Variants in MIPOL1 observed in about 807,000 individuals in gnomAD.
MIPOL1 encodes the protein mirror-image polydactyly gene 1 protein.
A neutral mutation model predicts 60.9 loss-of-function variants in MIPOL1; 57 were observed. The observed-to-expected ratio is 0.94, with a 90% CI of 0.76 to 1.17. The LOEUF (loss-of-function observed/expected upper bound fraction) is 1.17. Ranked by LOEUF, MIPOL1 falls within the 50% of genes most tolerant of loss-of-function variation. The probability of loss-of-function intolerance (pLI) is 0.00; values close to 1 mark genes in which losing one functional copy is unlikely to be tolerated. For missense variants in MIPOL1, 551 were observed against 511.6 expected, an observed-to-expected ratio of 1.08 and a Z score of -0.74; for synonymous variants, 179 against 168.8, an observed-to-expected ratio of 1.06 and a Z score of -0.47.
chr14:37,221,240 A>G (rs1303824670), intron 1 of MIPOL1, among the ~76,000 whole-genome samples: 1 of 152,208 alleles, frequency 6.6e-6, no homozygotes, highest in Non-Finnish European at 1.5e-5. Context: ...TGGAAAGTCC[A>G]AGAGCATAGT....
At chr14:37,214,278 A>T (rs938655503) in intron 1 of MIPOL1, among the ~76,000 whole-genome samples, 2 of 152,332 alleles carry the variant, frequency 1.3e-5, no homozygotes, top group Middle Eastern at 3.4e-3. Flanking sequence ...ACTTTTCAAG[A>T]CATAGTACCA....
chr14:37,210,641 T>C (rs1487299093), intron 1 of MIPOL1, among the ~76,000 whole-genome samples: 1 of 151,816 alleles, frequency 6.6e-6, no homozygotes, highest in Non-Finnish European at 1.5e-5. Flanking sequence ...GAAATAGGGA[T>C]ATGGAGAATG....
intron 6 of MIPOL1, among the ~76,000 whole-genome samples, chr14:37,280,945 A>G (rs79911460): frequency 0.03 from 4,635 of 152,250 alleles, 100 homozygotes; most frequent in Non-Finnish European, 0.047. Flanking sequence ...TCATTTGCAG[A>G]TATTTTCTCC....
chr14:37,334,747 A>G (rs1396439870), intron 9 of MIPOL1, among the ~76,000 whole-genome samples: 1 of 151,970 alleles, frequency 6.6e-6, no homozygotes, highest in Non-Finnish European at 1.5e-5. Context: ...ATTTTACATA[A>G]ATGTATTCAT....
intron 9 of MIPOL1, among the ~76,000 whole-genome samples, chr14:37,367,361 G>A (rs375492971): frequency 2.0e-5 from 3 of 151,998 alleles, no homozygotes; most frequent in South Asian, 4.1e-4. Flanking sequence ...AGTTAAATAT[G>A]CTACAAATAT....
chr14:37,491,053 A>C (rs2095040721), intron 11 of MIPOL1, among the ~76,000 whole-genome samples: 1 of 152,182 alleles, frequency 6.6e-6, no homozygotes, highest in African/African-American at 2.4e-5. Context: ...ATATGACAAA[A>C]TTCAAGATAA....
intron 12 of MIPOL1, among the ~76,000 whole-genome samples, chr14:37,512,732 C>T (rs1049675505): frequency 6.6e-6 from 1 of 151,816 alleles, no homozygotes; most frequent in Non-Finnish European, 1.5e-5. Flanking sequence ...TTAGACATAT[C>T]CAAACAATAT....
rs1968675047 is a variant in MIPOL1, at chr14:37,221,099, T to C, written c.-199+22995T>C. Among the ~76,000 whole-genome samples, 3 of 152,164 alleles carry C rather than the reference T, an allele frequency of 2.0e-5. No individual in the cohort carries two copies. In the South Asian group the frequency reaches 6.2e-4, roughly 32 times the overall value. On this transcript the variant is annotated intron_variant, in intron 1 of 12. Transcript: ENST00000684589. ...ATTTTGTCTCATGATTACTAACAGG[T>C]TGGTTCTGGAAGCTCAGGTTCTACA...
intron 1 of MIPOL1, among the ~76,000 whole-genome samples, chr14:37,235,474 G>T (rs751652589): frequency 3.0e-4 from 46 of 152,108 alleles, no homozygotes; most frequent in Non-Finnish European, 5.1e-4. Context: ...TATTGACTTT[G>T]TATGGGTGTG....
intron 11 of MIPOL1, among the ~76,000 whole-genome samples, chr14:37,477,899 G>A (rs2094802443): frequency 6.6e-6 from 1 of 152,172 alleles, no homozygotes; most frequent in Admixed American, 6.5e-5. Flanking sequence ...GCGTGTTTTT[G>A]TTTTCTATTG....
intron 10 of MIPOL1, among the ~76,000 whole-genome samples, chr14:37,382,071 T>A (rs1045710788): frequency 6.6e-6 from 1 of 152,046 alleles, no homozygotes; most frequent in African/African-American, 2.4e-5. Context: ...TTTTAGTGCT[T>A]TCTTGGTATT....
intron 7 of MIPOL1, 95 bp downstream of exon 7, chr14:37,285,542 T>G (rs926503991): frequency 3.9e-6 from 5 of 1,281,950 alleles, no homozygotes; most frequent in Non-Finnish European, 5.4e-6. Context: ...TGACTTATGC[T>G]TATGTGTTAC....
intron 10 of MIPOL1, among the ~76,000 whole-genome samples, chr14:37,378,214 A>AT (rs1369679532): frequency 6.6e-6 from 1 of 152,118 alleles, no homozygotes; most frequent in Admixed American, 6.6e-5. Context: ...ATGCAAATGT[A>AT]TTTTAACACA....
At chr14:37,219,752 G>A (rs1213955631) in intron 1 of MIPOL1, 1 of 152,184 alleles carries the variant, frequency 6.6e-6, no homozygotes, top group African/African-American at 2.4e-5. Context: ...ACTGAGAGAG[G>A]TGTGATGAAA....
At chr14:37,199,822 G>A (rs1167032436) in intron 1 of MIPOL1, among the ~76,000 whole-genome samples, 2 of 152,122 alleles carry the variant, frequency 1.3e-5, no homozygotes, top group East Asian at 3.9e-4. Flanking sequence ...ATCGCGCCTG[G>A]CCATATGTAC....
At chr14:37,480,716 G>T (rs574896600) in intron 11 of MIPOL1, among the ~76,000 whole-genome samples, 5 of 152,174 alleles carry the variant, frequency 3.3e-5, no homozygotes, top group Non-Finnish European at 4.4e-5. Flanking sequence ...GAGCAATTAG[G>T]CAAGAGAAAG....
intron 1 of MIPOL1, among the ~76,000 whole-genome samples, chr14:37,234,003 C>T (rs1454351779): frequency 6.6e-6 from 1 of 152,172 alleles, no homozygotes; most frequent in African/African-American, 2.4e-5. Context: ...TGGTATAAAA[C>T]CATGTTTATC....
chr14:37,294,028 C>T (rs895481017), intron 7 of MIPOL1, among the ~76,000 whole-genome samples: 9 of 152,200 alleles, frequency 5.9e-5, no homozygotes, highest in Non-Finnish European at 1.0e-4. Context: ...GGGTCCCTGA[C>T]CCCCGAGTAG....
chr14:37,257,773 G>T (rs184478977), intron 3 of MIPOL1, among the ~76,000 whole-genome samples: 3 of 152,096 alleles, frequency 2.0e-5, no homozygotes, highest in Non-Finnish European at 4.4e-5. Context: ...TAGCTAAAAA[G>T]TCCCATATTT....
Sources: allele counts gnomAD v4.1 joint callset (sites outside exome capture counted in the v4.1 genomes callset), GRCh38; gene constraint gnomAD v4.1.1; transcripts MANE v1.5; gene names NCBI Gene and HGNC (gene_info 2026-07-23, HGNC 2026-07-21).